AFAP1L2: variants seen among roughly 807,000 people sequenced by gnomAD.
AFAP1L2 encodes the protein actin filament-associated protein 1-like 2.
In AFAP1L2, 46 loss-of-function variants were observed where a neutral mutation model predicts 99.3. The ratio of observed to expected loss-of-function variants is 0.46; its 90% confidence interval spans 0.37 to 0.59. The LOEUF (loss-of-function observed/expected upper bound fraction) is 0.59. Among genes scored for constraint, AFAP1L2 ranks in the 20% least tolerant of loss-of-function variants. The pLI is 0.00. For missense variants in AFAP1L2, 959 were observed against 1,034.9 expected (o/e 0.93, Z 1.01); for synonymous variants, 397 against 419.1 (o/e 0.95, Z 0.64).
At chr10:114,386,441 T>C (rs1264423460) in intron 1 of AFAP1L2, among the ~76,000 whole-genome samples, 3 of 152,106 alleles carry the variant, frequency 2.0e-5, no homozygotes, top group Admixed American at 1.3e-4. Flanking sequence ...GTACTAGCAT[T>C]AATTATTATT....
intron 9 of AFAP1L2, 110 bp from the exon 10 acceptor site, chr10:114,308,019 C>T (rs2042681225): frequency 2.3e-6 from 2 of 883,232 alleles, no homozygotes; most frequent in Non-Finnish European, 3.7e-6. Flanking sequence ...CCATCCCTCC[C>T]CGCTACATAT....
At chr10:114,359,411 ACTT>A (rs2136456596) in intron 1 of AFAP1L2, among the ~76,000 whole-genome samples, 1 of 152,314 alleles carries the variant, frequency 6.6e-6, no homozygotes, top group African/African-American at 2.4e-5. Context: ...CTTTCCTTGT[ACTT>A]CTTAATGGAG....
chr10:114,360,509 T>TAGATAGATAGATAGTTAGATAGA (rs61366681), intron 1 of AFAP1L2, among the ~76,000 whole-genome samples: 15 of 107,418 alleles, frequency 1.4e-4, no homozygotes, highest in African/African-American at 2.5e-4. Flanking sequence ...AGATAGATAG[T>TAGATAGATAGATAGTTAGATAGA]TAGATAGATA....
chr10:114,387,039 A>G (rs2056588383), intron 1 of AFAP1L2, among the ~76,000 whole-genome samples: 1 of 152,144 alleles, frequency 6.6e-6, no homozygotes, highest in African/African-American at 2.4e-5. Context: ...CCCAAACACA[A>G]TTCCACCCAA....
chr10:114,387,557 C>A (rs1485933977), intron 1 of AFAP1L2, among the ~76,000 whole-genome samples: 1 of 152,168 alleles, frequency 6.6e-6, no homozygotes, highest in African/African-American at 2.4e-5. Flanking sequence ...ATGTGCTGAA[C>A]CTACTGCCAA....
At chr10:114,388,425 AGGCTAATGTTG>A (rs1399190050) in intron 1 of AFAP1L2, among the ~76,000 whole-genome samples, 2 of 152,026 alleles carry the variant, frequency 1.3e-5, no homozygotes, top group Non-Finnish European at 2.9e-5. Flanking sequence ...CATCACCCCC[AGGCTAATGTTG>A]GACACCACCC....
chr10:114,333,121 T>C (rs2047462370), intron 3 of AFAP1L2, 100 bp downstream of exon 3: 1 of 1,120,360 alleles, frequency 8.9e-7, no homozygotes. Flanking sequence ...CGGGTCTGTG[T>C]GCCGGCTGGG....
At chr10:114,286,147 T>C in the AFAP1L2 span, 7 of 1,614,072 alleles carry the variant, frequency 4.3e-6, no homozygotes, top group Non-Finnish European at 5.9e-6. Context: ...AGTACCAGGA[T>C]GTGCCTGACC....
chr10:114,312,942 C>T (rs2043480671), intron 7 of AFAP1L2, among the ~76,000 whole-genome samples: 2 of 152,118 alleles, frequency 1.3e-5, no homozygotes, highest in African/African-American at 2.4e-5. Context: ...GATACTCAGC[C>T]TAGGGGTGGA....
the AFAP1L2 span, among the ~76,000 whole-genome samples, chr10:114,283,698 G>A: frequency 1.1e-4 from 16 of 152,230 alleles, no homozygotes; most frequent in African/African-American, 3.9e-4. Context: ...TTGTGACAAT[G>A]AAATGGGACC....
rs149114877 is a variant in AFAP1L2 at position 114,332,900 on chromosome 10, C to T, written c.220+321G>A. 3.3e-5 allele frequency among the ~76,000 whole-genome samples: 5 copies of T among 152,322 alleles called. No homozygotes were observed. The East Asian group carries it at 7.7e-4, about 23-fold the overall frequency. ...CTATCAAAAGACATAAAGGCAGAAC[C>T]GTGGGATCAGCACCACACACAGCTG... On this transcript the variant is annotated intron_variant, in intron 3 of 18. Transcript: ENST00000304129.
At chr10:114,390,443 C>A (rs766684272) in intron 1 of AFAP1L2, among the ~76,000 whole-genome samples, 2 of 152,146 alleles carry the variant, frequency 1.3e-5, no homozygotes, top group African/African-American at 2.4e-5. Flanking sequence ...GAAAAATCGG[C>A]CGGCTGCGGT....
chr10:114,385,110 G>T (rs529076534), intron 1 of AFAP1L2, among the ~76,000 whole-genome samples: 2 of 152,282 alleles, frequency 1.3e-5, no homozygotes, highest in African/African-American at 4.8e-5. Flanking sequence ...CAGTGAAGGT[G>T]GGTGTGATCG....
rs377445000 is a variant in AFAP1L2 at position 114,302,419 on chromosome 10, T to G, written c.1350A>C (p.Thr450=). The G allele has an allele frequency of 8.1e-6, 13 of 1,614,076 alleles. No individual in the cohort carries two copies. In the African/African-American group the frequency reaches 1.2e-4, roughly 15 times the overall value. The change falls in exon 12 of 19, where the codon ACA becomes ACC. Residue 450 remains threonine (T), a synonymous_variant. Coordinates refer to ENST00000304129, the MANE Select transcript of AFAP1L2 (RefSeq NM_001001936.3). Reference sequence around the variant, plus strand: ...AGTCGTAGGTGAACTCTTCTGGGTCTGTCTTGGAGCCTGACTCAGAGAGCA... The same window carrying G: ...AGTCGTAGGTGAACTCTTCTGGGTCGGTCTTGGAGCCTGACTCAGAGAGCA... ...GLLLSESGSK[T]DPEEFTYDYV...
chr10:114,291,398 G>A, downstream of AFAP1L2: 1 of 784,670 alleles, frequency 1.3e-6, no homozygotes, highest in African/African-American at 1.8e-5. Flanking sequence ...TCTCACTGAG[G>A]GAGGAGGATG....
intron 10 of AFAP1L2, among the ~76,000 whole-genome samples, chr10:114,306,118 C>G: frequency 2.5e-4 from 1 of 4,052 alleles, no homozygotes; most frequent in Admixed American, 3.4e-3. Context: ...GATGCAGATG[C>G]CTGGAGGGAT....
chr10:114,342,927 A>T (rs890907192), intron 1 of AFAP1L2, among the ~76,000 whole-genome samples: 1 of 152,208 alleles, frequency 6.6e-6, no homozygotes, highest in African/African-American at 2.4e-5. Flanking sequence ...TGGAGCTCAC[A>T]TTTCCAGGGC....
intron 1 of AFAP1L2, among the ~76,000 whole-genome samples, chr10:114,342,919 G>C (rs1279271919): frequency 6.6e-6 from 1 of 152,220 alleles, no homozygotes; most frequent in Non-Finnish European, 1.5e-5. Flanking sequence ...GCTTTGTGTG[G>C]AGCTCACATT....
chr10:114,334,097 G>C (rs1484531682), intron 2 of AFAP1L2, among the ~76,000 whole-genome samples: 1 of 152,166 alleles, frequency 6.6e-6, no homozygotes, highest in East Asian at 1.9e-4. Context: ...TGAATTTAAA[G>C]GGGTATCCTG....
Sources: allele counts gnomAD v4.1 joint callset (sites outside exome capture counted in the v4.1 genomes callset), GRCh38; gene constraint gnomAD v4.1.1; transcripts MANE v1.5; gene names NCBI Gene and HGNC (gene_info 2026-07-23, HGNC 2026-07-21).